The following FCHSD2 variants were observed in gnomAD, a reference collection of about 807,000 sequenced individuals.
FCHSD2 encodes the protein FCH and double SH3 domains 2.
A neutral mutation model predicts 108.1 loss-of-function variants in FCHSD2; 38 were observed. The observed-to-expected ratio is 0.35, with a 90% CI of 0.27 to 0.46. The LOEUF (loss-of-function observed/expected upper bound fraction) is 0.46. Among genes scored for constraint, FCHSD2 ranks in the 20% least tolerant of loss-of-function variants. The probability of loss-of-function intolerance (pLI) is 1.00; values close to 1 mark genes in which losing one functional copy is unlikely to be tolerated. For missense variants in FCHSD2, 751 were observed against 897.8 expected, an observed-to-expected ratio of 0.84 and a Z score of 2.09; for synonymous variants, 279 against 314.7, an observed-to-expected ratio of 0.89 and a Z score of 1.20.
chr11:72,935,465 T>C (rs1856281958), intron 8 of FCHSD2, among the ~76,000 whole-genome samples: 1 of 152,206 alleles, frequency 6.6e-6, no homozygotes, highest in African/African-American at 2.4e-5. Context: ...AGGATATAAA[T>C]ATCAAGATGA....
At chr11:72,983,784 A>C (rs1439103373) in intron 8 of FCHSD2, 1 of 481,496 alleles carries the variant, frequency 2.1e-6, no homozygotes, top group South Asian at 1.6e-5. Context: ...TTGAGTCATT[A>C]TTTTATTTCT....
chr11:72,859,543 T>TAG (rs991585535), intron 13 of FCHSD2, among the ~76,000 whole-genome samples: 1 of 152,208 alleles, frequency 6.6e-6, no homozygotes, highest in African/African-American at 2.4e-5. Context: ...AGCTTTATGA[T>TAG]AGATATGTAT....
chr11:72,974,224 G>A (rs1406472247), intron 8 of FCHSD2, among the ~76,000 whole-genome samples: 2 of 152,136 alleles, frequency 1.3e-5, no homozygotes, highest in Non-Finnish European at 2.9e-5. Context: ...ATCTGGCAAG[G>A]GCCTTCACGC....
At chr11:73,027,977 AATGT>A (rs1034364428) in intron 3 of FCHSD2, among the ~76,000 whole-genome samples, 1 of 152,214 alleles carries the variant, frequency 6.6e-6, no homozygotes, top group African/African-American at 2.4e-5. Context: ...GATTTCAGAG[AATGT>A]ATGGAAACAC....
At chr11:72,904,035 A>T (rs999154668) in intron 9 of FCHSD2, among the ~76,000 whole-genome samples, 32 of 152,226 alleles carry the variant, frequency 2.1e-4, no homozygotes, top group Non-Finnish European at 5.9e-5. Context: ...TGGGCGAACC[A>T]AACAGACTAC....
At chr11:72,977,443 G>A (rs933017112) in intron 8 of FCHSD2, among the ~76,000 whole-genome samples, 1 of 152,146 alleles carries the variant, frequency 6.6e-6, no homozygotes, top group Admixed American at 6.5e-5. Context: ...CAGTTGACAA[G>A]GGATTAATAA....
chr11:72,857,788 CT>C lies in FCHSD2; in HGVS notation c.1309-7900del, dbSNP rs983679857. Reference sequence around the variant, plus strand: ...TTATTGCAGAGGCAGGAAAGATGATCTTTTTGAGTTGGTTTTGGGAGCCATC... The same window carrying C: ...TTATTGCAGAGGCAGGAAAGATGATCTTTTGAGTTGGTTTTGGGAGCCATC... On this transcript the variant is annotated intron_variant, in intron 13 of 19. Transcript: ENST00000409418. Among the ~76,000 whole-genome samples the C allele has an allele frequency of 9.9e-5, 15 of 152,100 alleles. 1 individual carries two copies. The highest frequency in any genetic ancestry group is 6.8e-3 in the Middle Eastern group (2 of 294).
intron 3 of FCHSD2, among the ~76,000 whole-genome samples, chr11:73,022,424 A>G (rs1374465343): frequency 6.6e-6 from 1 of 152,242 alleles, no homozygotes; most frequent in Non-Finnish European, 1.5e-5. Context: ...AAGTTGCACA[A>G]TACAACGTCA....
At chr11:72,958,993 A>ATGTATATG (rs1856769176) in intron 8 of FCHSD2, among the ~76,000 whole-genome samples, 2 of 114,782 alleles carry the variant, frequency 1.7e-5, no homozygotes. Context: ...TCAGTAAGAT[A>ATGTATATG]TGTGTGTGTG....
intron 14 of FCHSD2, among the ~76,000 whole-genome samples, chr11:72,845,938 G>A (rs1861121678): frequency 6.6e-6 from 1 of 152,102 alleles, no homozygotes; most frequent in African/African-American, 2.4e-5. Context: ...ATATCCCAGA[G>A]CCTAGAAAAG....
At chr11:72,958,480 T>G (rs941828037) in intron 8 of FCHSD2, among the ~76,000 whole-genome samples, 6 of 152,174 alleles carry the variant, frequency 3.9e-5, no homozygotes, top group Non-Finnish European at 8.8e-5. Context: ...ATCGCACCAC[T>G]GCACTCCAGC....
chr11:72,880,897 A>G (rs1855071224), intron 12 of FCHSD2, among the ~76,000 whole-genome samples: 1 of 151,772 alleles, frequency 6.6e-6, no homozygotes, highest in Non-Finnish European at 1.5e-5. Flanking sequence ...CAACAACAAC[A>G]ACAACAAACA....
intron 10 of FCHSD2, among the ~76,000 whole-genome samples, chr11:72,898,391 T>C (rs570375055): frequency 2.6e-5 from 4 of 152,382 alleles, no homozygotes; most frequent in Non-Finnish European, 4.4e-5. Context: ...GGCAAGGGCA[T>C]ATGCAAAGTA....
chr11:72,904,954 G>A (rs1283428776), intron 9 of FCHSD2, among the ~76,000 whole-genome samples: 1 of 152,122 alleles, frequency 6.6e-6, no homozygotes, highest in African/African-American at 2.4e-5. Flanking sequence ...TGGAATGGGT[G>A]TTTTTTGTCT....
intron 3 of FCHSD2, among the ~76,000 whole-genome samples, chr11:73,076,529 C>G (rs1859555841): frequency 6.6e-6 from 1 of 152,012 alleles, no homozygotes; most frequent in Admixed American, 6.6e-5. Flanking sequence ...TTACTTTGGG[C>G]TCAGGATAAA....
chr11:72,873,106 G>A (rs1014897359), intron 12 of FCHSD2, among the ~76,000 whole-genome samples: 7 of 151,982 alleles, frequency 4.6e-5, no homozygotes, highest in African/African-American at 1.7e-4. Context: ...GAGGCGGGCA[G>A]ATCACCAGGT....
chr11:72,998,235 G>T (rs1029545644), intron 5 of FCHSD2, among the ~76,000 whole-genome samples: 1 of 152,100 alleles, frequency 6.6e-6, no homozygotes, highest in African/African-American at 2.4e-5. Flanking sequence ...CTAATTCAAG[G>T]TAGATTGTAG....
At chr11:73,067,036 T>C (rs1859310566) in intron 3 of FCHSD2, among the ~76,000 whole-genome samples, 1 of 152,182 alleles carries the variant, frequency 6.6e-6, no homozygotes, top group African/African-American at 2.4e-5. Context: ...CATGCACACG[T>C]ATGTTTATTC....
chr11:73,095,467 C>T (rs1043714697), intron 2 of FCHSD2, among the ~76,000 whole-genome samples: 1 of 152,174 alleles, frequency 6.6e-6, no homozygotes, highest in African/African-American at 2.4e-5. Context: ...AGACTCTCCC[C>T]TCTCCTCCAG....
Sources: allele counts gnomAD v4.1 joint callset (sites outside exome capture counted in the v4.1 genomes callset), GRCh38; gene constraint gnomAD v4.1.1; transcripts MANE v1.5; gene names NCBI Gene and HGNC (gene_info 2026-07-23, HGNC 2026-07-21).